The following AKAP10 variants were observed in gnomAD, a reference collection of about 807,000 sequenced individuals.
AKAP10 encodes A-kinase anchoring protein 10, also known as A-kinase anchor protein 10, mitochondrial.
AKAP10 carries 24 observed loss-of-function variants against 80.8 expected under a neutral mutation model. That is an observed-to-expected ratio of 0.30 (90% CI 0.22 to 0.42). The LOEUF is 0.42. AKAP10 is among the 10% of genes least tolerant of loss of function. The probability of loss-of-function intolerance (pLI) is 1.00; values close to 1 mark genes in which losing one functional copy is unlikely to be tolerated. For synonymous variants in AKAP10, 291 were observed against 277.7 expected (o/e 1.05, Z -0.48); for missense variants, 661 against 794.9 (o/e 0.83, Z 2.03).
chr17:19,965,389 C>G (rs1018118184), intron 2 of AKAP10, among the ~76,000 whole-genome samples: 6 of 152,324 alleles, frequency 3.9e-5, no homozygotes, highest in African/African-American at 1.4e-4. Flanking sequence ...TCCTGCAAAT[C>G]TCTTCCAGAC....
chr17:19,917,986 C>T (rs1000263377), intron 12 of AKAP10, among the ~76,000 whole-genome samples: 2 of 151,586 alleles, frequency 1.3e-5, no homozygotes, highest in Admixed American at 6.6e-5. Flanking sequence ...TTTGGGAGGC[C>T]GAGGTGGGCA....
intron 3 of AKAP10, 69 bp downstream of exon 3, chr17:19,962,771 T>C: frequency 6.8e-7 from 1 of 1,480,712 alleles, no homozygotes; most frequent in Non-Finnish European, 9.2e-7. Flanking sequence ...CTGTATCCTA[T>C]GACAGAAGTT....
intron 4 of AKAP10, among the ~76,000 whole-genome samples, chr17:19,948,796 C>T (rs2043166006): frequency 6.6e-6 from 1 of 152,096 alleles, no homozygotes; most frequent in African/African-American, 2.4e-5. Flanking sequence ...TGTACAAAGG[C>T]TTTGGGACCT....
At chr17:19,947,985 C>CAA (rs35869599) in intron 4 of AKAP10, among the ~76,000 whole-genome samples, 26,438 of 102,856 alleles carry the variant, frequency 0.26, 2,592 homozygotes, top group Middle Eastern at 0.38. Context: ...GACTCCGTCT[C>CAA]AAAAAAAAAA....
chr17:19,972,384 G>A (rs1012997193), intron 1 of AKAP10, among the ~76,000 whole-genome samples: 1 of 152,118 alleles, frequency 6.6e-6, no homozygotes, highest in African/African-American at 2.4e-5. Flanking sequence ...TACACGTCCT[G>A]GATGTAAATC....
At chr17:19,914,103 G>A (rs2042719340) in intron 12 of AKAP10, among the ~76,000 whole-genome samples, 1 of 152,124 alleles carries the variant, frequency 6.6e-6, no homozygotes, top group Non-Finnish European at 1.5e-5. Flanking sequence ...GGGCCCAAGC[G>A]ATTCTCCCAC....
Position 19,941,816 on chromosome 17 carries a change from A to G in AKAP10, c.1061+10T>C. 6.4e-7 allele frequency: 1 copy of G among 1,559,910 alleles called. No individual in the cohort carries two copies. Among genetic ancestry groups the G allele is most frequent in the Non-Finnish European group, 8.7e-7 (1 of 1,151,630 alleles). On this transcript the variant is annotated intron_variant, in intron 6 of 14. Coordinates refer to ENST00000225737, the MANE Select transcript of AKAP10 (RefSeq NM_007202.4). ...TAGGATGCACAATGTGAAAATATGA[A>G]CTAACTTACTCTTGCTCCATTGCAC...
At chr17:19,911,868 A>AAAAAAAAAC (rs2042694416) in intron 12 of AKAP10, among the ~76,000 whole-genome samples, 2 of 121,760 alleles carry the variant, frequency 1.6e-5, no homozygotes, top group Non-Finnish European at 3.5e-5. Context: ...AAAAAAAAAA[A>AAAAAAAAAC]AGAAATCTCT....
In AKAP10 at chr17:19,968,666, T is replaced by C. The variant is rs529582619; in HGVS notation, c.89-205A>G. ...TTGGAACAGCATCCAGTCAAAAGAG[T>C]TGAACCTGCTTATGGAGAGACAATG... On this transcript the variant is annotated intron_variant, in intron 1 of 14. Coordinates refer to ENST00000225737, the MANE Select transcript of AKAP10 (RefSeq NM_007202.4). 4.0e-5 allele frequency among the ~76,000 whole-genome samples: 6 copies of C among 151,562 alleles called. No homozygotes were observed. The South Asian group carries it at 1.2e-3, about 31-fold the overall frequency.
At chr17:19,960,456 G>C (rs138324875) in intron 3 of AKAP10, among the ~76,000 whole-genome samples, 1 of 152,246 alleles carries the variant, frequency 6.6e-6, no homozygotes, top group Non-Finnish European at 1.5e-5. Context: ...ACTATATGTA[G>C]TCTTTAGGGA....
Position 19,947,437 on chromosome 17 carries a change from T to C in AKAP10, c.946A>G (p.Ile316Val), listed in dbSNP as rs1432761239. 5.6e-6 allele frequency: 9 copies of C among 1,611,380 alleles called. No homozygotes were observed. Among genetic ancestry groups the C allele is most frequent in the African/African-American group, 1.3e-5 (1 of 74,876 alleles). Residue 316 changes from isoleucine (I) to valine (V), a missense_variant, in exon 5 of 15, where the codon ATT becomes GTT. By Grantham distance (29) the Ile-to-Val change is conservative. Transcript: ENST00000225737. ...ISPDAAKPIP[I>V]TEAMRNDIIA... is the part of the protein sequence containing the mutation. ...ATGTCATTTCTCATTGCTTCTGTAATTGGTATTGGTTTAGCAGCATCTGGA... is the reference window on the plus strand; with the variant it reads ...ATGTCATTTCTCATTGCTTCTGTAACTGGTATTGGTTTAGCAGCATCTGGA...
At chr17:19,954,861 T>C (rs1714132289) in intron 4 of AKAP10, among the ~76,000 whole-genome samples, 1 of 151,920 alleles carries the variant, frequency 6.6e-6, no homozygotes, top group African/African-American at 2.4e-5. Flanking sequence ...AAAGGGCTCT[T>C]AGGTGTGACT....
At chr17:19,929,999 C>CAAAAA (rs11365343) in intron 10 of AKAP10, among the ~76,000 whole-genome samples, 2 of 81,840 alleles carry the variant, frequency 2.4e-5, no homozygotes, top group African/African-American at 4.1e-5. Context: ...CAACAAAAAC[C>CAAAAA]AAAAAAAAAA....
rs1018678039 is a variant in AKAP10 at position 19,904,893 on chromosome 17, C to T, written c.*1334G>A. 1.5e-4 allele frequency: 23 copies of T among 151,810 alleles called. No individual in the cohort carries two copies. The highest frequency in any genetic ancestry group is 3.1e-4 in the Non-Finnish European group (21 of 67,972). 9.4% of individuals were successfully genotyped at this position (151,810 alleles called of 1,614,324 possible). On this transcript the variant is annotated 3_prime_UTR_variant, in exon 15 of 15. Transcript: ENST00000225737. ...ATAGTACCAAAAACTTACACAAAGC[C>T]TTTTTGCTTCTTCTGTCGATGAAAC...
chr17:19,968,881 C>G (rs951729641), intron 1 of AKAP10, among the ~76,000 whole-genome samples: 1 of 152,158 alleles, frequency 6.6e-6, no homozygotes, highest in African/African-American at 2.4e-5. Flanking sequence ...GTAACTAGCA[C>G]AGTAAATTGA....
intron 3 of AKAP10, among the ~76,000 whole-genome samples, chr17:19,960,850 A>AC (rs2043339923): frequency 6.6e-6 from 1 of 151,718 alleles, no homozygotes; most frequent in African/African-American, 2.4e-5. Context: ...ACATGGTGAA[A>AC]CCCCATATCT....
chr17:19,962,319 CACACAT>C (rs1349963211), intron 3 of AKAP10, among the ~76,000 whole-genome samples: 9 of 149,464 alleles, frequency 6.0e-5, no homozygotes, highest in East Asian at 1.9e-4. Flanking sequence ...CACACACACA[CACACAT>C]ACACACCTGC....
intron 9 of AKAP10, among the ~76,000 whole-genome samples, chr17:19,933,829 C>T (rs1274079535): frequency 6.6e-6 from 1 of 152,134 alleles, no homozygotes; most frequent in African/African-American, 2.4e-5. Context: ...AGCAACATAA[C>T]CTCACTGGCT....
rs1290770664 is a variant in AKAP10, at chr17:19,977,814, C to A, written c.-135G>T. 2 of 475,496 alleles carry A rather than the reference C, an allele frequency of 4.2e-6. No individual in the cohort carries two copies. Among genetic ancestry groups the A allele is most frequent in the East Asian group, 3.5e-5 (1 of 28,384 alleles). 29.5% of individuals were successfully genotyped at this position (475,496 alleles called of 1,614,324 possible). A position where few individuals can be genotyped will look rare whatever the true frequency, so the allele number is the denominator to read the frequency against. ...TCCAGCCGCCATATTATCAACAAGC[C>A]GCCCGCCCGGAGTTCCGGTCCTTCC... On this transcript the variant is annotated 5_prime_UTR_variant, in exon 1 of 15. Coordinates refer to ENST00000225737, the MANE Select transcript of AKAP10 (RefSeq NM_007202.4).
Sources: gnomAD v4.1 joint callset for allele counts (sites outside exome capture counted in the v4.1 genomes callset) on GRCh38, gnomAD v4.1.1 for gene constraint, MANE v1.5 for transcripts, NCBI Gene and HGNC (gene_info 2026-07-23, HGNC 2026-07-21) for gene names.